SLC9A8: variants seen among roughly 807,000 people sequenced by gnomAD.
SLC9A8 encodes the protein sodium/hydrogen exchanger 8.
Under a neutral mutation model 66.6 loss-of-function variants are expected in SLC9A8, and 48 were observed. The ratio of observed to expected loss-of-function variants is 0.72; its 90% CI spans 0.57 to 0.92. SLC9A8 has a LOEUF of 0.92. Ranked by LOEUF, SLC9A8 falls within the 40% of genes least tolerant of loss-of-function variation. The pLI is 0.00. For missense variants in SLC9A8, 599 were observed against 747.3 expected (o/e 0.80, Z 2.31); for synonymous variants, 274 against 282.6 (o/e 0.97, Z 0.31).
At chr20:49,865,751 C>T (rs192392414) in intron 10 of SLC9A8, among the ~76,000 whole-genome samples, 329 of 152,288 alleles carry the variant, frequency 2.2e-3, no homozygotes, top group African/African-American at 7.8e-3. Flanking sequence ...CAGCTTGTTA[C>T]GTTGTAAGGA....
At position 49,864,853 on chromosome 20, in the gene SLC9A8, CAG is replaced by C; in HGVS notation, c.958+14_958+15del. 1 of 1,559,358 alleles carries C rather than the reference CAG, an allele frequency of 6.4e-7. No homozygotes were observed. Among genetic ancestry groups the C allele is most frequent in the Non-Finnish European group, 8.9e-7 (1 of 1,129,894 alleles). ...AGGAATCTCACTCTCAGGTAAGTGACAGAGAGCCTGAAAGTGCTGTGGTGATG... is the reference window on the plus strand; with the variant it reads ...AGGAATCTCACTCTCAGGTAAGTGACAGAGCCTGAAAGTGCTGTGGTGATG... On this transcript the variant is annotated intron_variant, in intron 10 of 15. Transcript: ENST00000361573.
chr20:49,851,293 A>G (rs1361095999), intron 7 of SLC9A8, among the ~76,000 whole-genome samples: 1 of 152,242 alleles, frequency 6.6e-6, no homozygotes, highest in African/African-American at 2.4e-5. Context: ...CAAGACCTCT[A>G]TTGTGGTTAT....
At position 49,884,287 on chromosome 20, in the gene SLC9A8, A is replaced by G. The variant is rs1442720476; in HGVS notation, c.1491+221A>G. ...ACACACACACACGACACACACACAC[A>G]CGACACACACACACACACACACACA... On this transcript the variant is annotated intron_variant, in intron 14 of 15. Transcript: ENST00000361573. 1.4e-3 allele frequency: 334 copies of G among 243,826 alleles called. 11 individuals carry two copies. The highest frequency in any genetic ancestry group is 0.013 in the East Asian group (144 of 11,156). 15.1% of individuals were successfully genotyped at this position (243,826 alleles called of 1,614,324 possible).
At chr20:49,866,930 C>T (rs1170999962) in intron 10 of SLC9A8, among the ~76,000 whole-genome samples, 2 of 152,264 alleles carry the variant, frequency 1.3e-5, no homozygotes, top group East Asian at 3.9e-4. Flanking sequence ...TTTTATAATT[C>T]ATCTACAGCA....
At chr20:49,854,367 C>G (rs1230470344) in intron 7 of SLC9A8, among the ~76,000 whole-genome samples, 2 of 151,686 alleles carry the variant, frequency 1.3e-5, no homozygotes, top group Non-Finnish European at 2.9e-5. Flanking sequence ...CAGGCTTGCT[C>G]CCACCGCAGG....
chr20:49,874,533 C>T (rs1029175188), intron 10 of SLC9A8, among the ~76,000 whole-genome samples, 172 bp from the exon 11 acceptor site: 10 of 152,082 alleles, frequency 6.6e-5, no homozygotes, highest in South Asian at 2.1e-4. Flanking sequence ...GCTGCCAGAG[C>T]GAAGGGACCC....
In SLC9A8 at chr20:49,830,148, A is replaced by G. The variant is rs6122833; in HGVS notation, c.289+7007A>G. ...TTACCAGGCAATCACAAAGAAGTTGAAAATATGTGAAGAGGAAACTGGTTC... is the reference window on the plus strand; with the variant it reads ...TTACCAGGCAATCACAAAGAAGTTGGAAATATGTGAAGAGGAAACTGGTTC... On this transcript the variant is annotated intron_variant, in intron 3 of 15. Coordinates refer to ENST00000361573, the MANE Select transcript of SLC9A8 (RefSeq NM_015266.3). 23,569 of 750,824 alleles carry G rather than the reference A, an allele frequency of 0.031. 3,018 individuals are homozygous for G. The East Asian group carries it at 0.38, about 12-fold the overall frequency. The allele number at this position is 750,824 out of a possible 1,614,324, so 46.5% of individuals were successfully genotyped here. A position where few individuals can be genotyped will look rare whatever the true frequency, so the allele number is the denominator to read the frequency against.
At chr20:49,851,179 G>A (rs530461) in intron 7 of SLC9A8, among the ~76,000 whole-genome samples, 56,117 of 151,954 alleles carry the variant, frequency 0.37, 11,687 homozygotes, top group East Asian at 0.68. Flanking sequence ...CTTTTCAGTC[G>A]CCGTAACAAA....
chr20:49,829,697 G>C, intron 3 of SLC9A8: 1 of 482,506 alleles, frequency 2.1e-6, no homozygotes, highest in Non-Finnish European at 4.1e-6. Context: ...CCGCCAAAGA[G>C]TTTCTCAGGA....
chr20:49,821,593 A>G (rs2086740873), intron 2 of SLC9A8, among the ~76,000 whole-genome samples: 1 of 152,174 alleles, frequency 6.6e-6, no homozygotes. Flanking sequence ...GTTAACAGGC[A>G]TGTGGATTGT....
At chr20:49,847,910 T>TTG (rs1396721929) in intron 5 of SLC9A8, among the ~76,000 whole-genome samples, 2 of 147,286 alleles carry the variant, frequency 1.4e-5, no homozygotes, top group Admixed American at 6.8e-5. Context: ...TTAATCTGTT[T>TTG]TTTTTTTTTT....
chr20:49,820,137 C>A (rs1189794495), intron 2 of SLC9A8, among the ~76,000 whole-genome samples: 1 of 152,140 alleles, frequency 6.6e-6, no homozygotes, highest in Non-Finnish European at 1.5e-5. Flanking sequence ...AGGGGCTGCA[C>A]CATTTTACAA....
intron 8 of SLC9A8, among the ~76,000 whole-genome samples, chr20:49,856,715 C>G (rs1197495776): frequency 6.6e-6 from 1 of 151,264 alleles, no homozygotes; most frequent in Non-Finnish European, 1.5e-5. Context: ...CCAGCTACTC[C>G]GGAGGCTGAG....
At chr20:49,821,710 C>T (rs1037091799) in intron 2 of SLC9A8, among the ~76,000 whole-genome samples, 2 of 152,016 alleles carry the variant, frequency 1.3e-5, no homozygotes, top group African/African-American at 2.4e-5. Context: ...AAGACATGCA[C>T]GCTAACATTT....
chr20:49,851,648 A>G (rs1170654724), intron 7 of SLC9A8, among the ~76,000 whole-genome samples: 1 of 152,026 alleles, frequency 6.6e-6, no homozygotes, highest in East Asian at 1.9e-4. Flanking sequence ...GAATCTGGGA[A>G]CCCTTTTCAT....
Position 49,862,993 on chromosome 20 carries a change from GC to G in SLC9A8, c.781del (p.Asp262ThrfsTer19), listed in dbSNP as rs1285624942. 6.2e-7 allele frequency: 1 copy of G among 1,613,652 alleles called. No individual in the cohort carries two copies. Among genetic ancestry groups the G allele is most frequent in the Admixed American group, 1.7e-5 (1 of 60,008 alleles). On this transcript the variant is annotated frameshift_variant, in exon 9 of 16. Transcript: ENST00000361573. LOFTEE classifies it high-confidence loss of function. ...DVSGWQTFLQ[A>X]LDYFLKMFFG... ...CAGTGGGTGGCAAACATTTTTACAAGCCCTTGACTACTTCCTCAAAATGTTC... is the reference window on the plus strand; with the variant it reads ...CAGTGGGTGGCAAACATTTTTACAAGCCTTGACTACTTCCTCAAAATGTTC...
chr20:49,834,267 ATATATACACACAGTATATG>A, intron 3 of SLC9A8, among the ~76,000 whole-genome samples: 1 of 142,732 alleles, frequency 7.0e-6, no homozygotes. Context: ...TATATGCACT[ATATATACACACAGTATATG>A]TATATACACA....
intron 11 of SLC9A8, among the ~76,000 whole-genome samples, chr20:49,877,699 C>A (rs2089475122): frequency 2.6e-5 from 4 of 152,186 alleles, no homozygotes; most frequent in Admixed American, 1.3e-4. Context: ...TTGTGTTTAT[C>A]ATCTTCCCTG....
In SLC9A8 at chr20:49,845,044, A is replaced by G. The variant is rs143464519; in HGVS notation, c.357A>G (p.Glu119=). ...TCATTTTCTATTTACAGGAAGAAGA[A>G]ATGTTTCGTCCAAACATGTTTTTCC... ...FKKLANWKEE[E]MFRPNMFFLL... is the part of the protein sequence containing the mutation. The change falls in exon 5 of 16, where the codon GAA becomes GAG. Residue 119 remains glutamate (E), a synonymous_variant. Transcript: ENST00000361573. 3.9e-4 allele frequency: 631 copies of G among 1,610,814 alleles called. 1 individual carries two copies. In the African/African-American group the frequency reaches 5.8e-3, roughly 15 times the overall value.
Sources: gnomAD v4.1 joint callset for allele counts (sites outside exome capture counted in the v4.1 genomes callset) on GRCh38, gnomAD v4.1.1 for gene constraint, MANE v1.5 for transcripts, NCBI Gene and HGNC (gene_info 2026-07-23, HGNC 2026-07-21) for gene names.